ST3GAL2: variants seen among roughly 807,000 people sequenced by gnomAD.
ST3GAL2 encodes the protein CMP-N-acetylneuraminate-beta-galactosamide-alpha-2,3-sialyltransferase 2.
In ST3GAL2, 16 loss-of-function variants were observed where a neutral mutation model predicts 37.5. The ratio of observed to expected loss-of-function variants is 0.43; its 90% CI spans 0.29 to 0.65. The LOEUF is 0.65. ST3GAL2 is among the 30% of genes least tolerant of loss of function. The pLI, the probability that ST3GAL2 is intolerant of heterozygous loss-of-function variation, is 0.17. For synonymous variants in ST3GAL2, 238 were observed against 202.9 expected, an observed-to-expected ratio of 1.17 and a Z score of -1.47; for missense variants, 383 against 487.8, an observed-to-expected ratio of 0.79 and a Z score of 2.02.
chr16:70,382,742 C>T (rs2151655786), intron 6 of ST3GAL2, 63 bp downstream of exon 6: 1 of 1,605,026 alleles, frequency 6.2e-7, no homozygotes, highest in South Asian at 1.1e-5. Flanking sequence ...CTGCTAAGAC[C>T]CGAGAAGGCC....
chr16:70,403,453 G>A (rs891768735), intron 1 of ST3GAL2, among the ~76,000 whole-genome samples: 12 of 152,148 alleles, frequency 7.9e-5, no homozygotes, highest in East Asian at 1.9e-4. Flanking sequence ...AGGCCAAGGC[G>A]GGAGGATCAC....
At chr16:70,417,814 G>A (rs1047159256) in intron 1 of ST3GAL2, among the ~76,000 whole-genome samples, 10 of 151,838 alleles carry the variant, frequency 6.6e-5, no homozygotes, top group Non-Finnish European at 1.5e-4. Flanking sequence ...TGGCGTGGCT[G>A]GGGGGGCGGG....
rs2047347058 is a variant in ST3GAL2, at chr16:70,376,551, A to G, written c.*5138T>C. On this transcript the variant is annotated 3_prime_UTR_variant, in exon 7 of 7. Transcript: ENST00000342907. Reference sequence around the variant, plus strand: ...TTTGTGGGTTGGTTGTTACCCAGGCATAGACTTGCTGCAGGAGCTGTGATT... The same window carrying G: ...TTTGTGGGTTGGTTGTTACCCAGGCGTAGACTTGCTGCAGGAGCTGTGATT... The G allele has an allele frequency of 1.3e-5, 2 of 152,208 alleles. No homozygotes were observed. Among genetic ancestry groups the G allele is most frequent in the South Asian group, 2.1e-4 (1 of 4,834 alleles). The allele number at this position is 152,208 out of a possible 1,614,324, so 9.4% of individuals were successfully genotyped here.
intron 1 of ST3GAL2, among the ~76,000 whole-genome samples, chr16:70,430,994 G>T (rs776084715): frequency 1.3e-5 from 2 of 152,030 alleles, no homozygotes; most frequent in African/African-American, 4.8e-5. Context: ...AGGAACAAAG[G>T]TTGGGGAAAC....
At chr16:70,410,858 T>C (rs539379836) in intron 1 of ST3GAL2, among the ~76,000 whole-genome samples, 2 of 146,038 alleles carry the variant, frequency 1.4e-5, no homozygotes, top group South Asian at 2.3e-4. Context: ...TAGCAGACAC[T>C]GTTGGCTGTC....
At chr16:70,437,236 G>T (rs2047831217) in intron 1 of ST3GAL2, among the ~76,000 whole-genome samples, 1 of 152,228 alleles carries the variant, frequency 6.6e-6, no homozygotes, top group South Asian at 2.1e-4. Context: ...AGGGTGCAGA[G>T]GCAGACATAA....
At chr16:70,437,761 C>T (rs2047835794) in intron 1 of ST3GAL2, among the ~76,000 whole-genome samples, 1 of 152,186 alleles carries the variant, frequency 6.6e-6, no homozygotes, top group African/African-American at 2.4e-5. Context: ...CTCCCAGACT[C>T]CTCTTATGCC....
chr16:70,397,462 G>T (rs934611121), intron 2 of ST3GAL2, among the ~76,000 whole-genome samples: 1 of 151,926 alleles, frequency 6.6e-6, no homozygotes, highest in African/African-American at 2.4e-5. Context: ...GGTGGCTCAC[G>T]CCTGTAATCC....
rs1338838773 is a variant in ST3GAL2, at chr16:70,380,335, G to A, written c.*1354C>T. On this transcript the variant is annotated 3_prime_UTR_variant, in exon 7 of 7. Coordinates refer to ENST00000342907, the MANE Select transcript of ST3GAL2 (RefSeq NM_006927.4). ...CCAACGGCCAGGAAGCTGCCTGGTG[G>A]TGTCAACTAAGAAAAGGGGGAGCAT... is the stretch of plus-strand genomic sequence containing the variant. 1 of 152,374 alleles carries A rather than the reference G, an allele frequency of 6.6e-6. No individual in the cohort carries two copies. Among genetic ancestry groups the A allele is most frequent in the Non-Finnish European group, 1.5e-5 (1 of 68,162 alleles). 9.4% of individuals were successfully genotyped at this position (152,374 alleles called of 1,614,324 possible).
rs545735762 is a variant in ST3GAL2 at position 70,380,949 on chromosome 16, A to T, written c.*740T>A. ...GAGGCGCTGAGAAGGCTGCGGGTGA[A>T]CGGGAGGGTCGAGGGCACACGTGAG... On this transcript the variant is annotated 3_prime_UTR_variant, in exon 7 of 7. Coordinates refer to ENST00000342907, the MANE Select transcript of ST3GAL2 (RefSeq NM_006927.4). The T allele has an allele frequency of 6.5e-6, 1 of 153,450 alleles. No individual in the cohort carries two copies. The highest frequency in any genetic ancestry group is 1.9e-4 in the East Asian group (1 of 5,214). The allele number at this position is 153,450 out of a possible 1,614,324, so 9.5% of individuals were successfully genotyped here.
chr16:70,386,827 G>T (rs1468533053), intron 4 of ST3GAL2, among the ~76,000 whole-genome samples: 1 of 152,010 alleles, frequency 6.6e-6, no homozygotes, highest in Admixed American at 6.6e-5. Flanking sequence ...TTTATTTTTA[G>T]TACAGATGAG....
At chr16:70,382,531 G>A (rs1032503360) in intron 6 of ST3GAL2, among the ~76,000 whole-genome samples, 2 of 152,108 alleles carry the variant, frequency 1.3e-5, no homozygotes, top group Non-Finnish European at 2.9e-5. Flanking sequence ...TAATCCGCCC[G>A]CCTCAGCTTC....
rs1417316187 is a variant in ST3GAL2, at chr16:70,377,332, T to G, written c.*4357A>C. 6.7e-6 allele frequency: 1 copy of G among 148,634 alleles called. No homozygotes were observed. Among genetic ancestry groups the G allele is most frequent in the African/African-American group, 2.5e-5 (1 of 40,044 alleles). The allele number at this position is 148,634 out of a possible 1,614,324, so 9.2% of individuals were successfully genotyped here. A position where few individuals can be genotyped will look rare whatever the true frequency, so the allele number is the denominator to read the frequency against. On this transcript the variant is annotated 3_prime_UTR_variant, in exon 7 of 7. Coordinates refer to ENST00000342907, the MANE Select transcript of ST3GAL2 (RefSeq NM_006927.4). ...CCCGTCTCTACTAAAAATACAAAAT[T>G]AGCCGGGCGTGGTAGTGCATGCCTG...
intron 1 of ST3GAL2, among the ~76,000 whole-genome samples, chr16:70,413,167 T>C (rs1223137937): frequency 6.6e-6 from 1 of 151,928 alleles, no homozygotes; most frequent in Non-Finnish European, 1.5e-5. Flanking sequence ...GGAGACTCAC[T>C]TGAACCTGGA....
At chr16:70,396,904 AC>A (rs527545268) in intron 2 of ST3GAL2, among the ~76,000 whole-genome samples, 2 of 148,998 alleles carry the variant, frequency 1.3e-5, no homozygotes, top group East Asian at 4.0e-4. Flanking sequence ...GACAGGGAGG[AC>A]CCCCCCAGCC....
chr16:70,415,762 C>CT (rs1203693372), intron 1 of ST3GAL2, among the ~76,000 whole-genome samples: 2,086 of 115,900 alleles, frequency 0.018, 22 homozygotes, highest in Middle Eastern at 0.033. Context: ...TTCCAAGATT[C>CT]TTTTTTTTTT....
At chr16:70,437,427 T>C (rs1475400593) in intron 1 of ST3GAL2, among the ~76,000 whole-genome samples, 1 of 151,408 alleles carries the variant, frequency 6.6e-6, no homozygotes, top group Non-Finnish European at 1.5e-5. Context: ...GAGCCTCCTG[T>C]CCCTCCTTTC....
chr16:70,408,505 C>T (rs936994), intron 1 of ST3GAL2, among the ~76,000 whole-genome samples: 73,087 of 151,650 alleles, frequency 0.48, 17,751 homozygotes, highest in Non-Finnish European at 0.5. Flanking sequence ...GAGAATGGGC[C>T]GCTTCACCAC....
chr16:70,382,958 G>A, intron 5 of ST3GAL2, 34 bp from the exon 6 acceptor site: 1 of 1,607,522 alleles, frequency 6.2e-7, no homozygotes, highest in Non-Finnish European at 8.5e-7. Context: ...TATATGAGGG[G>A]TTTAGGGGCA....
Sources: allele counts gnomAD v4.1 joint callset (sites outside exome capture counted in the v4.1 genomes callset), GRCh38; gene constraint gnomAD v4.1.1; transcripts MANE v1.5; gene names NCBI Gene and HGNC (gene_info 2026-07-23, HGNC 2026-07-21).